Variants in GALM observed in about 807,000 individuals in gnomAD.
GALM encodes the protein aldose 1-epimerase.
In GALM, 43 loss-of-function variants were observed where a neutral mutation model predicts 37.4. The observed-to-expected ratio is 1.15, with a 90% CI of 0.90 to 1.48. The LOEUF is 1.48. GALM is among the 40% of genes most tolerant of loss of function. GALM has a pLI of 0.00. For missense variants in GALM, 456 were observed against 419.1 expected, an observed-to-expected ratio of 1.09 and a Z score of -0.77; for synonymous variants, 199 against 170.6, an observed-to-expected ratio of 1.17 and a Z score of -1.30.
At chr2:38,669,185 C>T (rs150229989) in intron 1 of GALM, 1 of 152,332 alleles carries the variant, frequency 6.6e-6, no homozygotes, top group East Asian at 1.9e-4. Context: ...AAGGCAGAAA[C>T]GAAATCCACA....
chr2:38,689,826 T>C lies in GALM; in HGVS notation c.566T>C (p.Ile189Thr), dbSNP rs200292259. The C allele has an allele frequency of 1.1e-3, 1,798 of 1,604,212 alleles. 3 individuals are homozygous for C. The highest frequency in any genetic ancestry group is 1.3e-3 in the Non-Finnish European group (1,507 of 1,172,966). ...TTTTCCTCCCAGGCTTCCCCAAATA[T>C]AAATGACCATGAAGTCACCATAGAA... ...FNLAGQASPN[I>T]NDHEVTIEAD... The change falls in exon 4 of 7, where the codon ATA (isoleucine) becomes ACA (threonine). Residue 189 changes from isoleucine to threonine, a missense_variant. By Grantham distance (89) the Ile-to-Thr change is moderately conservative. Coordinates refer to ENST00000272252, the MANE Select transcript of GALM (RefSeq NM_138801.3).
intron 4 of GALM, among the ~76,000 whole-genome samples, chr2:38,723,659 T>G (rs1013710034): frequency 1.3e-4 from 19 of 151,858 alleles, no homozygotes; most frequent in African/African-American, 4.1e-4. Context: ...GGTGTGGTGA[T>G]GTACTGCAGT....
chr2:38,675,837 G>A (rs1665246665), intron 1 of GALM, 75 bp from the exon 2 acceptor site: 1 of 1,413,746 alleles, frequency 7.1e-7, no homozygotes, highest in Non-Finnish European at 1.0e-6. Flanking sequence ...CCATAGTGCT[G>A]GGATTACAGG....
chr2:38,692,041 C>T (rs1267116453), intron 4 of GALM, among the ~76,000 whole-genome samples: 2 of 152,134 alleles, frequency 1.3e-5, no homozygotes. Flanking sequence ...TCCAATTCTA[C>T]GAGGCTCCTA....
intron 4 of GALM, among the ~76,000 whole-genome samples, chr2:38,714,577 A>C (rs1357892317): frequency 2.0e-5 from 3 of 152,170 alleles, no homozygotes; most frequent in Non-Finnish European, 2.9e-5. Flanking sequence ...GTAGAGAAAA[A>C]GGCAATATAA....
At chr2:38,698,482 T>G in intron 4 of GALM, 4 of 1,018,468 alleles carry the variant, frequency 3.9e-6, no homozygotes, top group Non-Finnish European at 5.3e-6. Context: ...AATTTAGCTC[T>G]GCGTCTTCAG....
chr2:38,673,841 A>C (rs1022394416), intron 1 of GALM, among the ~76,000 whole-genome samples: 3 of 151,992 alleles, frequency 2.0e-5, no homozygotes, highest in Non-Finnish European at 4.4e-5. Context: ...TCAAAAAAAA[A>C]TAAAAAGGAA....
chr2:38,695,151 A>C (rs1019840673), intron 4 of GALM, among the ~76,000 whole-genome samples: 17 of 152,020 alleles, frequency 1.1e-4, no homozygotes, highest in South Asian at 2.1e-4. Flanking sequence ...GGCCGGGTGC[A>C]GTGTCTCATG....
At chr2:38,690,462 G>C (rs1363144839) in intron 4 of GALM, among the ~76,000 whole-genome samples, 2 of 151,966 alleles carry the variant, frequency 1.3e-5, no homozygotes, top group African/African-American at 2.4e-5. Context: ...GAGGGGATAG[G>C]GTCTCATTCT....
At chr2:38,717,688 A>G (rs944445943) in intron 4 of GALM, among the ~76,000 whole-genome samples, 1 of 151,886 alleles carries the variant, frequency 6.6e-6, no homozygotes, top group African/African-American at 2.4e-5. Context: ...GGTGGAAGCC[A>G]CCATCCCTGG....
chr2:38,685,255 A>T (rs1205848115), intron 3 of GALM, among the ~76,000 whole-genome samples: 1 of 152,170 alleles, frequency 6.6e-6, no homozygotes, highest in Non-Finnish European at 1.5e-5. Flanking sequence ...TGCCCTCTGG[A>T]AATGGAGCGG....
Position 38,707,033 on chromosome 2 carries a change from C to A in GALM, c.634+17139C>A, listed in dbSNP as rs145602771. Among the ~76,000 whole-genome samples, 79 of 151,136 alleles carry A rather than the reference C, an allele frequency of 5.2e-4. 3 individuals carry two copies. The East Asian group carries it at 0.014, about 27-fold the overall frequency. On this transcript the variant is annotated intron_variant, in intron 4 of 6. Coordinates refer to ENST00000272252, the MANE Select transcript of GALM (RefSeq NM_138801.3). The stretch of plus-strand genomic sequence containing the variant: ...AGGAAGCAGGAAGGCTGTGTGATGA[C>A]CCCGGGACTCTAGAGCAGCTGCTGG...
intron 1 of GALM, among the ~76,000 whole-genome samples, chr2:38,672,461 A>G (rs940242757): frequency 6.6e-6 from 1 of 152,146 alleles, no homozygotes; most frequent in Admixed American, 6.6e-5. Flanking sequence ...AGAGGTGGGA[A>G]TAGGAGAGAG....
intron 4 of GALM, among the ~76,000 whole-genome samples, chr2:38,718,211 T>G (rs1027603853): frequency 6.8e-6 from 1 of 146,590 alleles, no homozygotes; most frequent in Non-Finnish European, 1.5e-5. Context: ...TTTTTTTTTT[T>G]CTTTTTGAGA....
chr2:38,731,788 G>C lies in GALM; in HGVS notation c.830G>C (p.Gly277Ala). 3 of 1,614,006 alleles carry C rather than the reference G, an allele frequency of 1.9e-6. No homozygotes were observed. Among genetic ancestry groups the C allele is most frequent in the Non-Finnish European group, 2.5e-6 (3 of 1,179,918 alleles). Residue 277 changes from glycine (G) to alanine (A), a missense_variant, in exon 6 of 7, where the codon GGG (glycine) becomes GCG (alanine). By Grantham distance (60) the Gly-to-Ala change is moderately conservative. Transcript: ENST00000272252. ...RVLEVYTTQP[G>A]VQFYTGNFLD... Reference sequence around the variant, plus strand: ...CTAGAAGTATACACCACCCAGCCCGGGGTCCAGTTTTACACGGGCAACTTC... The same window carrying C: ...CTAGAAGTATACACCACCCAGCCCGCGGTCCAGTTTTACACGGGCAACTTC...
chr2:38,699,009 G>A lies in GALM; in HGVS notation c.634+9115G>A, dbSNP rs577257298. Among the ~76,000 whole-genome samples, 27 of 152,286 alleles carry A rather than the reference G, an allele frequency of 1.8e-4. No individual in the cohort carries two copies. In the South Asian group the frequency reaches 5.4e-3, roughly 30 times the overall value. ...GCTCACTGCAACCTCCGCCTCCTGG[G>A]TTCAAGCAATTCTCCTGCCTCAGCC... is the stretch of plus-strand genomic sequence containing the variant. On this transcript the variant is annotated intron_variant, in intron 4 of 6. Transcript: ENST00000272252.
intron 4 of GALM, among the ~76,000 whole-genome samples, chr2:38,705,062 T>C (rs1367548360): frequency 6.6e-6 from 1 of 152,208 alleles, no homozygotes; most frequent in Non-Finnish European, 1.5e-5. Context: ...CCAGGCGATG[T>C]GTAATTCCTG....
chr2:38,669,309 CCCTGT>C (rs1009807271), intron 1 of GALM: 6 of 152,228 alleles, frequency 3.9e-5, no homozygotes, highest in Admixed American at 3.9e-4. Context: ...GTGTGAAAAT[CCCTGT>C]CCTGTTGTGT....
At chr2:38,716,529 C>T (rs1666273253) in intron 4 of GALM, among the ~76,000 whole-genome samples, 1 of 152,204 alleles carries the variant, frequency 6.6e-6, no homozygotes, top group Non-Finnish European at 1.5e-5. Context: ...CATGGCGGGG[C>T]TTCAGAGGCT....
Sources: gnomAD v4.1 joint callset for allele counts (sites outside exome capture counted in the v4.1 genomes callset) on GRCh38, gnomAD v4.1.1 for gene constraint, MANE v1.5 for transcripts, NCBI Gene and HGNC (gene_info 2026-07-23, HGNC 2026-07-21) for gene names.